GOSR2: variants seen among roughly 807,000 people sequenced by gnomAD.
The protein encoded by GOSR2 is 27 kDa Golgi SNARE protein.
GOSR2 carries 20 observed loss-of-function variants against 27.9 expected under a neutral mutation model. That is an observed-to-expected ratio of 0.72 (90% confidence interval 0.50 to 1.04). The LOEUF (loss-of-function observed/expected upper bound fraction) is 1.04, where lower values mean the gene tolerates loss of function less well. Among genes scored for constraint, GOSR2 ranks in the 50% least tolerant of loss-of-function variants. The pLI is 0.00. For synonymous variants in GOSR2, 91 were observed against 98.8 expected (o/e 0.92, Z 0.47); for missense variants, 261 against 270.5 (o/e 0.97, Z 0.25).
chr17:46,936,781 GA>G (rs1321488347), intron 5 of GOSR2: 54 of 964,314 alleles, frequency 5.6e-5, no homozygotes, highest in South Asian at 1.4e-4. Flanking sequence ...CTATCTCGGG[GA>G]AAAAAAAATA....
intron 4 of GOSR2, chr17:46,933,181 C>T (rs1036938378): frequency 6.6e-6 from 1 of 152,226 alleles, no homozygotes; most frequent in Non-Finnish European, 1.5e-5. Flanking sequence ...CAAGGATGAT[C>T]GCTTGGGATT....
At chr17:46,943,828 A>G (rs906473600), downstream of GOSR2, among the ~76,000 whole-genome samples, 4 of 152,372 alleles carry the variant, frequency 2.6e-5, no homozygotes, top group Admixed American at 2.6e-4. Flanking sequence ...ACTGTCACTC[A>G]GGACTGGGGA....
intron 6 of GOSR2, among the ~76,000 whole-genome samples, chr17:46,959,934 A>C (rs553873101): frequency 6.6e-6 from 1 of 152,342 alleles, no homozygotes; most frequent in South Asian, 2.1e-4. Context: ...GCCCTGAGAC[A>C]GGACATCATG....
chr17:46,924,012 A>T, intron 1 of GOSR2: 2 of 396,464 alleles, frequency 5.0e-6, no homozygotes, highest in South Asian at 2.8e-4. Context: ...TGTTTTAACA[A>T]TTTTTAAGTG....
downstream of GOSR2, among the ~76,000 whole-genome samples, chr17:46,944,800 A>G (rs1214985003): frequency 1.3e-5 from 2 of 152,050 alleles, no homozygotes; most frequent in Non-Finnish European, 2.9e-5. Flanking sequence ...GGGTTTCTCC[A>G]TGTTGGGCAG....
At chr17:46,959,690 G>A (rs1298611825) in intron 6 of GOSR2, among the ~76,000 whole-genome samples, 1 of 152,178 alleles carries the variant, frequency 6.6e-6, no homozygotes. Context: ...AAGGATTAAG[G>A]TAGGACATTT....
At chr17:46,960,974 A>C (rs1023974336) in intron 6 of GOSR2, among the ~76,000 whole-genome samples, 1 of 152,198 alleles carries the variant, frequency 6.6e-6, no homozygotes, top group Non-Finnish European at 1.5e-5. Flanking sequence ...AGTAAATTTT[A>C]CCCTAAATTT....
At chr17:46,926,918 C>T (rs1428113345) in intron 1 of GOSR2, among the ~76,000 whole-genome samples, 1 of 152,212 alleles carries the variant, frequency 6.6e-6, no homozygotes, top group Admixed American at 6.5e-5. Flanking sequence ...CTCTAGGACA[C>T]ATTCCTCAAA....
In GOSR2 at chr17:46,939,810, CTAAT is replaced by C. The variant is rs1415823886; in HGVS notation, c.*1051_*1054del. On this transcript the variant is annotated 3_prime_UTR_variant, in exon 6 of 6. Transcript: ENST00000640051. The stretch of plus-strand genomic sequence containing the variant: ...TGACCAGCCCCGGATTCAGGCTGTA[CTAAT>C]ACCAGGTATATTGTGGAATTTAGTA... 1.0e-6 allele frequency: 1 copy of C among 988,158 alleles called. No individual in the cohort carries two copies. The highest frequency in any genetic ancestry group is 1.7e-5 in the African/African-American group (1 of 57,206). The allele number at this position is 988,158 out of a possible 1,614,324, so 61.2% of individuals were successfully genotyped here. A position where few individuals can be genotyped will look rare whatever the true frequency, so the allele number is the denominator to read the frequency against.
At chr17:46,949,878 G>A (rs1040546665) in intron 6 of GOSR2, among the ~76,000 whole-genome samples, 2 of 152,192 alleles carry the variant, frequency 1.3e-5, no homozygotes, top group Non-Finnish European at 2.9e-5. Context: ...GTGTGGAGGA[G>A]GGAAGAAAGG....
chr17:46,956,756 G>T (rs1462377478), intron 6 of GOSR2, among the ~76,000 whole-genome samples: 13 of 152,226 alleles, frequency 8.5e-5, no homozygotes, highest in African/African-American at 3.1e-4. Flanking sequence ...CTGCGTGGCT[G>T]CCAGTGCTGG....
intron 6 of GOSR2, among the ~76,000 whole-genome samples, chr17:46,947,138 C>T (rs960656450): frequency 6.6e-6 from 1 of 152,094 alleles, no homozygotes; most frequent in Non-Finnish European, 1.5e-5. Flanking sequence ...GGGACCCTGA[C>T]ATGAATGTGG....
At chr17:46,930,849 T>C in intron 2 of GOSR2, 1 of 447,402 alleles carries the variant, frequency 2.2e-6, no homozygotes, top group Non-Finnish European at 4.0e-6. Context: ...TTTCTACAGA[T>C]TTACCTTCAG....
chr17:46,927,863 C>T (rs969096854), intron 1 of GOSR2, among the ~76,000 whole-genome samples: 4 of 152,082 alleles, frequency 2.6e-5, no homozygotes, highest in African/African-American at 9.7e-5. Flanking sequence ...TTTATTATGT[C>T]ACTGTTCGTG....
chr17:46,951,897 C>T (rs976601622), intron 6 of GOSR2, among the ~76,000 whole-genome samples: 2 of 152,156 alleles, frequency 1.3e-5, no homozygotes, highest in East Asian at 1.9e-4. Context: ...TTCTCCCCCC[C>T]AGACATCACC....
At chr17:46,952,871 C>T (rs936298564) in intron 6 of GOSR2, 3 of 151,838 alleles carry the variant, frequency 2.0e-5, no homozygotes, top group African/African-American at 7.3e-5. Context: ...AGTGAAAGAC[C>T]CCTCAGTGCA....
chr17:46,932,341 GT>G, intron 4 of GOSR2, 142 bp downstream of exon 4: 1 of 914,340 alleles, frequency 1.1e-6, no homozygotes, highest in Non-Finnish European at 1.8e-6. Context: ...CAGGAACTTT[GT>G]GCATTGCCAC....
chr17:46,967,810 G>A (rs1885667356), downstream of GOSR2, among the ~76,000 whole-genome samples: 1 of 152,132 alleles, frequency 6.6e-6, no homozygotes, highest in African/African-American at 2.4e-5. Context: ...TGGTGGCAGT[G>A]AAGGAAAGAT....
downstream of GOSR2, among the ~76,000 whole-genome samples, chr17:46,942,586 C>G (rs1282882706): frequency 6.6e-6 from 1 of 152,168 alleles, no homozygotes; most frequent in African/African-American, 2.4e-5. Flanking sequence ...GACTATAGAG[C>G]TATAAGGTGT....
Sources: allele counts gnomAD v4.1 joint callset (sites outside exome capture counted in the v4.1 genomes callset), GRCh38; gene constraint gnomAD v4.1.1; transcripts MANE v1.5; gene names NCBI Gene and HGNC (gene_info 2026-07-23, HGNC 2026-07-21).